The following FSTL4 variants were observed in gnomAD, a reference collection of about 807,000 sequenced individuals.
FSTL4 encodes follistatin like 4.
A neutral mutation model predicts 78.2 loss-of-function variants in FSTL4; 28 were observed. That is an observed-to-expected ratio of 0.36 (90% CI 0.27 to 0.49). The LOEUF (loss-of-function observed/expected upper bound fraction) is 0.49. FSTL4 is among the 20% of genes least tolerant of loss of function. FSTL4 has a pLI of 0.98. For synonymous variants in FSTL4, 422 were observed against 440.5 expected (o/e 0.96, Z 0.53); for missense variants, 922 against 1,084.9 (o/e 0.85, Z 2.11).
intron 6 of FSTL4, among the ~76,000 whole-genome samples, chr5:133,253,104 G>T (rs1752299861): frequency 6.6e-6 from 1 of 152,198 alleles, no homozygotes. Context: ...ATATTCCCCA[G>T]CTCCTTTCAC....
chr5:133,800,850 T>C, the FSTL4 span, among the ~76,000 whole-genome samples: 14 of 152,008 alleles, frequency 9.2e-5, no homozygotes, highest in African/African-American at 2.9e-4. Context: ...AAGTCACTTT[T>C]AAAAGGCTGT....
intron 3 of FSTL4, among the ~76,000 whole-genome samples, chr5:133,544,425 A>G (rs887008399): frequency 2.6e-5 from 4 of 152,208 alleles, no homozygotes; most frequent in African/African-American, 4.8e-5. Flanking sequence ...TCTGGCTTCA[A>G]TAAAATAGCT....
the FSTL4 span, among the ~76,000 whole-genome samples, chr5:133,724,984 T>G: frequency 6.6e-6 from 1 of 152,216 alleles, no homozygotes; most frequent in Non-Finnish European, 1.5e-5. Context: ...CCTTTCTCCA[T>G]CAAATTACCT....
chr5:133,786,841 G>A, the FSTL4 span, among the ~76,000 whole-genome samples: 1 of 152,208 alleles, frequency 6.6e-6, no homozygotes, highest in African/African-American at 2.4e-5. Context: ...CAGGCACTGT[G>A]TAAGCACTTC....
At chr5:133,216,029 G>T (rs1359088949) in intron 13 of FSTL4, among the ~76,000 whole-genome samples, 1 of 152,182 alleles carries the variant, frequency 6.6e-6, no homozygotes, top group East Asian at 1.9e-4. Context: ...CACAGGTTCT[G>T]TGGATTAGGA....
chr5:133,261,166 C>G (rs942537169), intron 6 of FSTL4, among the ~76,000 whole-genome samples: 1 of 152,160 alleles, frequency 6.6e-6, no homozygotes, highest in African/African-American at 2.4e-5. Flanking sequence ...AATTCTATCT[C>G]CATCACGAGA....
chr5:133,317,736 G>A (rs547119576), intron 4 of FSTL4, among the ~76,000 whole-genome samples: 34 of 152,382 alleles, frequency 2.2e-4, no homozygotes, highest in Admixed American at 4.6e-4. Context: ...TCTCATCTGT[G>A]AAGCAGAGAT....
chr5:133,484,331 G>A (rs558440049), intron 3 of FSTL4, among the ~76,000 whole-genome samples: 1 of 152,300 alleles, frequency 6.6e-6, no homozygotes, highest in South Asian at 2.1e-4. Flanking sequence ...CACTGGGAGA[G>A]GCTACTTATA....
Position 133,198,979 on chromosome 5 carries a change from C to T in FSTL4, c.*116G>A. On this transcript the variant is annotated 3_prime_UTR_variant, in exon 16 of 16. Coordinates refer to ENST00000265342, the MANE Select transcript of FSTL4 (RefSeq NM_015082.2). ...ACTTGCAAGGAGACCAGTGTTGAAC[C>T]ACAAAGCGAGTACAGGTTTTTGCTT... 1 of 618,694 alleles carries T rather than the reference C, an allele frequency of 1.6e-6. No individual in the cohort carries two copies. Among genetic ancestry groups the T allele is most frequent in the East Asian group, 2.8e-5 (1 of 36,088 alleles). 38.3% of individuals were successfully genotyped at this position (618,694 alleles called of 1,614,324 possible). A position where few individuals can be genotyped will look rare whatever the true frequency, so the allele number is the denominator to read the frequency against.
chr5:133,553,115 G>C (rs1244097526), intron 3 of FSTL4, among the ~76,000 whole-genome samples: 1 of 152,102 alleles, frequency 6.6e-6, no homozygotes, highest in Non-Finnish European at 1.5e-5. Context: ...GACCTCCAGG[G>C]GGCGCGGGAG....
chr5:133,788,941 G>T, the FSTL4 span, among the ~76,000 whole-genome samples: 1 of 152,034 alleles, frequency 6.6e-6, no homozygotes, highest in Non-Finnish European at 1.5e-5. Context: ...AATACATTAC[G>T]ACCCCAGAAA....
At position 133,518,714 on chromosome 5, in the gene FSTL4, C is replaced by G. The variant is rs145279239; in HGVS notation, c.160+48472G>C. Among the ~76,000 whole-genome samples the G allele has an allele frequency of 4.1e-3, 619 of 152,216 alleles. 4 individuals are homozygous for G. Among genetic ancestry groups the G allele is most frequent in the African/African-American group, 0.013 (560 of 41,542 alleles). The stretch of plus-strand genomic sequence containing the variant: ...ATGCTGAATGCTTGTTTTTCTTAAC[C>G]CGTGCATAGGAAAAAGCTTGGTTGG... On this transcript the variant is annotated intron_variant, in intron 3 of 15. Coordinates refer to ENST00000265342, the MANE Select transcript of FSTL4 (RefSeq NM_015082.2).
At chr5:133,344,411 T>C (rs1422118328) in intron 4 of FSTL4, among the ~76,000 whole-genome samples, 1 of 152,224 alleles carries the variant, frequency 6.6e-6, no homozygotes, top group African/African-American at 2.4e-5. Context: ...ATTATCAACA[T>C]TCTGATGATG....
the FSTL4 span, among the ~76,000 whole-genome samples, chr5:133,692,585 T>A: frequency 1.5e-4 from 23 of 152,154 alleles, no homozygotes; most frequent in African/African-American, 5.6e-4. Context: ...AATAGAGTGT[T>A]GGTGGAAGAG....
rs1756199173 is a variant in FSTL4 at position 133,400,657 on chromosome 5, A to G, written c.409+81T>C. ...CTAAACATATGTAACTTGTAGACTCAGCACCCAGGTCACTTGTCAAAAAGG... is the reference window on the plus strand; with the variant it reads ...CTAAACATATGTAACTTGTAGACTCGGCACCCAGGTCACTTGTCAAAAAGG... On this transcript the variant is annotated intron_variant, in intron 4 of 15. Coordinates refer to ENST00000265342, the MANE Select transcript of FSTL4 (RefSeq NM_015082.2). 7.1e-6 allele frequency: 9 copies of G among 1,268,222 alleles called. No homozygotes were observed. In the South Asian group the frequency reaches 1.2e-4, roughly 16 times the overall value. The allele number at this position is 1,268,222 out of a possible 1,614,324, so 78.6% of individuals were successfully genotyped here. A position where few individuals can be genotyped will look rare whatever the true frequency, so the allele number is the denominator to read the frequency against.
At chr5:133,240,389 G>T (rs1751814094) in intron 7 of FSTL4, among the ~76,000 whole-genome samples, 1 of 152,202 alleles carries the variant, frequency 6.6e-6, no homozygotes, top group South Asian at 2.1e-4. Flanking sequence ...GCAACTTGGA[G>T]CAATCTCTAA....
Position 133,273,051 on chromosome 5 carries a change from C to T in FSTL4, c.728-23475G>A, listed in dbSNP as rs79457732. On this transcript the variant is annotated intron_variant, in intron 6 of 15. Coordinates refer to ENST00000265342, the MANE Select transcript of FSTL4 (RefSeq NM_015082.2). Reference sequence around the variant, plus strand: ...CAGAGTTGCATGTGCTGGGGGCCAGCGCTGGGCATAGGGAGAGGTTAGTCC... The same window carrying T: ...CAGAGTTGCATGTGCTGGGGGCCAGTGCTGGGCATAGGGAGAGGTTAGTCC... Among the ~76,000 whole-genome samples the T allele has an allele frequency of 6.6e-5, 10 of 152,328 alleles. No homozygotes were observed. In the East Asian group the frequency reaches 1.2e-3, roughly 18 times the overall value.
the FSTL4 span, among the ~76,000 whole-genome samples, chr5:133,632,861 T>G: frequency 2.6e-5 from 4 of 152,158 alleles, no homozygotes; most frequent in East Asian, 7.7e-4. Flanking sequence ...TAATTTTTTT[T>G]GTATTTTTGT....
chr5:133,267,538 CT>C (rs1342879418), intron 6 of FSTL4, among the ~76,000 whole-genome samples: 2 of 152,172 alleles, frequency 1.3e-5, no homozygotes, highest in African/African-American at 2.4e-5. Flanking sequence ...ATCCTCTCCC[CT>C]GATGCCCAGG....
Sources: allele counts gnomAD v4.1 joint callset (sites outside exome capture counted in the v4.1 genomes callset), GRCh38; gene constraint gnomAD v4.1.1; transcripts MANE v1.5; gene names NCBI Gene and HGNC (gene_info 2026-07-23, HGNC 2026-07-21).